CDC23: variants seen among roughly 807,000 people sequenced by gnomAD.
CDC23 encodes the protein cell division cycle 23.
Under a neutral mutation model 81.7 loss-of-function variants are expected in CDC23, and 26 were observed. The observed-to-expected ratio is 0.32, with a 90% CI of 0.23 to 0.44. The LOEUF is 0.44. Ranked by LOEUF, CDC23 falls within the 20% of genes least tolerant of loss-of-function variation. The probability of loss-of-function intolerance (pLI) is 1.00; values close to 1 mark genes in which losing one functional copy is unlikely to be tolerated. For synonymous variants in CDC23, 267 were observed against 270.8 expected (o/e 0.99, Z 0.14); for missense variants, 519 against 728.0 (o/e 0.71, Z 3.30).
Position 138,206,618 on chromosome 5 carries a change from G to A in CDC23, c.301C>T (p.Arg101Trp), listed in dbSNP as rs996633162. ...KAYFDVKEYD[R>W]AAHFLHGCNS... is the part of the protein sequence containing the mutation. Reference sequence around the variant, plus strand: ...CAGCCATGCAGGAAATGTGCTGCCCGATCATACTCTTTAACGTCAAAGTAG... The same window carrying A: ...CAGCCATGCAGGAAATGTGCTGCCCAATCATACTCTTTAACGTCAAAGTAG... Residue 101 changes from arginine to tryptophan, a missense_variant, in exon 3 of 16, where the codon CGG (arginine) becomes TGG (tryptophan). Physicochemically the swap from Arg to Trp is moderately radical, Grantham distance 101 (BLOSUM62 -3). Around this residue, in one of 4 missense-constraint regions of CDC23, gnomAD observed 180 missense variants for 239.3 expected, o/e 0.75. Coordinates refer to ENST00000394886, the MANE Select transcript of CDC23 (RefSeq NM_004661.4). 4 of 1,613,772 alleles carry A rather than the reference G, an allele frequency of 2.5e-6. No homozygotes were observed. The highest frequency in any genetic ancestry group is 3.4e-6 in the Non-Finnish European group (4 of 1,179,728).
chr5:138,208,377 G>T (rs1368926913), intron 2 of CDC23, among the ~76,000 whole-genome samples: 1 of 152,176 alleles, frequency 6.6e-6, no homozygotes, highest in East Asian at 1.9e-4. Context: ...TTCTTCATTA[G>T]ATCAACATGT....
intron 2 of CDC23, among the ~76,000 whole-genome samples, chr5:138,211,771 G>T (rs1755116083): frequency 6.6e-6 from 1 of 152,106 alleles, no homozygotes; most frequent in Non-Finnish European, 1.5e-5. Flanking sequence ...ATATATCCAT[G>T]TAGCAAATCT....
rs1754775555 is a variant in CDC23, at chr5:138,188,048, A to G, written c.*930T>C. ...ATGCACAGGCCTGAAACTCTCCAAG[A>G]GCACCATAAGAATGATTCCCTTTAC... On this transcript the variant is annotated 3_prime_UTR_variant, in exon 16 of 16. Coordinates refer to ENST00000394886, the MANE Select transcript of CDC23 (RefSeq NM_004661.4). 6.6e-6 allele frequency: 1 copy of G among 152,266 alleles called. No homozygotes were observed. Among genetic ancestry groups the G allele is most frequent in the Non-Finnish European group, 1.5e-5 (1 of 68,096 alleles). The allele number at this position is 152,266 out of a possible 1,614,324, so 9.4% of individuals were successfully genotyped here.
intron 6 of CDC23, among the ~76,000 whole-genome samples, chr5:138,199,087 A>G (rs1263197905): frequency 6.6e-6 from 1 of 152,226 alleles, no homozygotes; most frequent in East Asian, 1.9e-4. Context: ...CACGGGTAAT[A>G]GCATAAGGAG....
chr5:138,207,954 A>G (rs747357058), intron 2 of CDC23, among the ~76,000 whole-genome samples: 4 of 151,146 alleles, frequency 2.6e-5, no homozygotes, highest in Non-Finnish European at 5.9e-5. Context: ...ACAAAAATTC[A>G]ATCCCCCAAA....
At position 138,192,495 on chromosome 5, in the gene CDC23, GATAATCACCT is replaced by G; in HGVS notation, c.1165_1166+8del. On this transcript the variant is annotated splice_donor_variant and splice_donor_5th_base_variant and coding_sequence_variant and intron_variant, in exon 10 of 16. Coordinates refer to ENST00000394886, the MANE Select transcript of CDC23 (RefSeq NM_004661.4). LOFTEE classifies it high-confidence loss of function. ...AATCTGCTCTACCTCACCACCTATA[GATAATCACCT>G]ATAAGCCTGGATAGCAGCAGACGTG... is the stretch of plus-strand genomic sequence containing the variant. The G allele has an allele frequency of 6.2e-7, 1 of 1,613,810 alleles. No individual in the cohort carries two copies. Among genetic ancestry groups the G allele is most frequent in the Non-Finnish European group, 8.5e-7 (1 of 1,179,890 alleles).
In CDC23 at chr5:138,201,160, A is replaced by C. The variant is rs1471034433; in HGVS notation, c.601T>G (p.Leu201Val). The C allele has an allele frequency of 6.2e-7, 1 of 1,614,186 alleles. No homozygotes were observed. The highest frequency in any genetic ancestry group is 8.5e-7 in the Non-Finnish European group (1 of 1,180,044). The change falls in exon 6 of 16, where the codon TTG (leucine) becomes GTG (valine). Residue 201 changes from leucine (L) to valine (V), a missense_variant. By Grantham distance (32) the Leu-to-Val change is conservative. Transcript: ENST00000394886. ...AGTTCTAACCAGGCTCCCCAATGCAAGGGCAAAACATGAGTAGCTTCCACA... is the reference window on the plus strand; with the variant it reads ...AGTTCTAACCAGGCTCCCCAATGCACGGGCAAAACATGAGTAGCTTCCACA... ...VFVEATHVLP[L>V]HWGAWLELCN... is the part of the protein sequence containing the mutation.
chr5:138,202,164 G>A lies in CDC23; in HGVS notation c.373-9C>T, dbSNP rs1754996877. ...TTCTTTTTTTCTCCAGACTGTAAGA[G>A]AAAATCAACAAATAGGTCTTTTTTC... On this transcript the variant is annotated splice_polypyrimidine_tract_variant and intron_variant, in intron 3 of 15. Coordinates refer to ENST00000394886, the MANE Select transcript of CDC23 (RefSeq NM_004661.4). 6.2e-7 allele frequency: 1 copy of A among 1,602,506 alleles called. No individual in the cohort carries two copies. Among genetic ancestry groups the A allele is most frequent in the Non-Finnish European group, 8.5e-7 (1 of 1,171,606 alleles).
intron 2 of CDC23, among the ~76,000 whole-genome samples, chr5:138,211,162 A>G (rs1755108747): frequency 6.6e-6 from 1 of 152,240 alleles, no homozygotes; most frequent in Admixed American, 6.5e-5. Flanking sequence ...GTACATATAC[A>G]CCATGGAATA....
At chr5:138,195,588 ATAATATATAT>A (rs1754881438) in intron 9 of CDC23, among the ~76,000 whole-genome samples, 1 of 58,950 alleles carries the variant, frequency 1.7e-5, no homozygotes, top group East Asian at 6.8e-4. Context: ...TATATTATAT[ATAATATATAT>A]TATATATGAT....
Position 138,198,223 on chromosome 5 carries a change from G to A in CDC23, c.988C>T (p.Arg330Cys), listed in dbSNP as rs1262525042. ...AHNLCEIDKYRVETCCVIGNY... is the reference protein window; with the variant it reads ...AHNLCEIDKYCVETCCVIGNY... Reference sequence around the variant, plus strand: ...CCAATTACACAGCACGTTTCTACACGATATTTATCAATCTCACAGAGGTTA... The same window carrying A: ...CCAATTACACAGCACGTTTCTACACAATATTTATCAATCTCACAGAGGTTA... Residue 330 changes from arginine (R) to cysteine (C), a missense_variant, in exon 9 of 16, where the codon CGT (arginine) becomes TGT (cysteine). Around this residue, in one of 4 missense-constraint regions of CDC23, gnomAD observed 175 missense variants for 337.8 expected, o/e 0.52. Coordinates refer to ENST00000394886, the MANE Select transcript of CDC23 (RefSeq NM_004661.4). 3 of 1,612,558 alleles carry A rather than the reference G, an allele frequency of 1.9e-6. No homozygotes were observed. The highest frequency in any genetic ancestry group is 1.3e-5 in the African/African-American group (1 of 74,852).
At chr5:138,191,606 G>T in intron 12 of CDC23, 71 bp from the exon 13 acceptor site, 1 of 1,403,398 alleles carries the variant, frequency 7.1e-7, no homozygotes. Context: ...TGAAGGTTAA[G>T]ACCCTGCAAG....
intron 9 of CDC23, among the ~76,000 whole-genome samples, chr5:138,193,906 C>T (rs944987190): frequency 1.3e-5 from 2 of 150,348 alleles, no homozygotes; most frequent in African/African-American, 4.9e-5. Context: ...TGCGGTGAGC[C>T]AAGATCGCGC....
intron 9 of CDC23, among the ~76,000 whole-genome samples, chr5:138,195,616 TATATAA>T (rs1293702617): frequency 1.7e-5 from 2 of 117,840 alleles, no homozygotes; most frequent in Admixed American, 1.2e-4. Flanking sequence ...GATATATTTA[TATATAA>T]ATATAAATAT....
At chr5:138,203,845 G>A (rs183871678) in intron 3 of CDC23, among the ~76,000 whole-genome samples, 170 of 151,974 alleles carry the variant, frequency 1.1e-3, no homozygotes, top group African/African-American at 4.0e-3. Context: ...CCTGGGAGGC[G>A]GAGGTTGCAG....
intron 9 of CDC23, among the ~76,000 whole-genome samples, chr5:138,197,495 A>ATT (rs1165999814): frequency 7.0e-6 from 1 of 142,452 alleles, no homozygotes; most frequent in East Asian, 2.0e-4. Context: ...ATACATATTT[A>ATT]TTTTTTTTTT....
At chr5:138,207,671 T>C (rs1427912380) in intron 2 of CDC23, among the ~76,000 whole-genome samples, 1 of 152,116 alleles carries the variant, frequency 6.6e-6, no homozygotes. Context: ...GTTAAAAACA[T>C]ACAATCCTTG....
At chr5:138,192,844 C>A (rs1754841482) in intron 9 of CDC23, among the ~76,000 whole-genome samples, 187 bp from the exon 10 acceptor site, 1 of 152,012 alleles carries the variant, frequency 6.6e-6, no homozygotes, top group African/African-American at 2.4e-5. Flanking sequence ...GTCACACATT[C>A]CGGTTAAAAA....
intron 2 of CDC23, among the ~76,000 whole-genome samples, chr5:138,209,216 C>T (rs1256383467): frequency 6.6e-6 from 1 of 151,524 alleles, no homozygotes; most frequent in Non-Finnish European, 1.5e-5. Context: ...CACCTGAGGT[C>T]AAGAGTTCAA....
Sources: allele counts gnomAD v4.1 joint callset (sites outside exome capture counted in the v4.1 genomes callset), GRCh38; gene constraint gnomAD v4.1.1; regional missense constraint gnomAD v4.1.1; transcripts MANE v1.5; gene names NCBI Gene and HGNC (gene_info 2026-07-23, HGNC 2026-07-21).